The following SLIT3 variants were observed in gnomAD, a reference collection of about 807,000 sequenced individuals.
The protein encoded by SLIT3 is slit homolog 3 protein.
A neutral mutation model predicts 184.0 loss-of-function variants in SLIT3; 68 were observed. The ratio of observed to expected loss-of-function variants is 0.37; its 90% confidence interval spans 0.30 to 0.45. The LOEUF (loss-of-function observed/expected upper bound fraction) is 0.45. SLIT3 is among the 20% of genes least tolerant of loss of function. The probability of loss-of-function intolerance (pLI) is 1.00; values close to 1 mark genes in which losing one functional copy is unlikely to be tolerated. For synonymous variants in SLIT3, 831 were observed against 828.6 expected (o/e 1.00, Z -0.05); for missense variants, 1,707 against 2,026.0 (o/e 0.84, Z 3.02).
rs1186564908 is a variant in SLIT3, at chr5:169,201,061, T to C, written c.342-7511A>G. 2.0e-5 allele frequency among the ~76,000 whole-genome samples: 3 copies of C among 152,198 alleles called. No homozygotes were observed. The East Asian group carries it at 5.8e-4, about 29-fold the overall frequency. ...ATTGAGATATAATGGAGCTTCCTTA[T>C]AGTAAGTGTGGACCAACCCACAATT... On this transcript the variant is annotated intron_variant, in intron 3 of 35. Transcript: ENST00000519560.
intron 4 of SLIT3, among the ~76,000 whole-genome samples, chr5:168,948,278 A>C (rs1762550645): frequency 6.6e-6 from 1 of 152,206 alleles, no homozygotes; most frequent in South Asian, 2.1e-4. Flanking sequence ...TCATGGCAAC[A>C]GAAGGGCAAC....
intron 4 of SLIT3, among the ~76,000 whole-genome samples, chr5:168,906,196 A>G (rs1761047864): frequency 6.6e-6 from 1 of 152,240 alleles, no homozygotes; most frequent in Non-Finnish European, 1.5e-5. Context: ...ATACCGTACT[A>G]TGCTATTATA....
chr5:168,917,233 C>T (rs748229401), intron 4 of SLIT3, among the ~76,000 whole-genome samples: 1 of 152,178 alleles, frequency 6.6e-6, no homozygotes, highest in African/African-American at 2.4e-5. Context: ...TGGAGGTGAG[C>T]TTTGGTTCCC....
intron 4 of SLIT3, among the ~76,000 whole-genome samples, chr5:169,027,111 T>C (rs1328363228): frequency 1.3e-5 from 2 of 152,130 alleles, no homozygotes; most frequent in African/African-American, 4.8e-5. Flanking sequence ...CCATCCCAGA[T>C]TGGTATAATA....
chr5:168,880,932 T>A (rs1418181027), intron 5 of SLIT3, among the ~76,000 whole-genome samples: 1 of 152,190 alleles, frequency 6.6e-6, no homozygotes, highest in African/African-American at 2.4e-5. Context: ...ATGATTCTTG[T>A]CCCCAGTTAC....
chr5:169,131,614 C>T (rs2033311410), intron 4 of SLIT3, among the ~76,000 whole-genome samples: 3 of 152,206 alleles, frequency 2.0e-5, no homozygotes, highest in African/African-American at 7.2e-5. Context: ...CGATCATGCA[C>T]CAACTTAGAA....
intron 4 of SLIT3, among the ~76,000 whole-genome samples, chr5:169,046,853 G>C (rs2113043957): frequency 1.3e-5 from 2 of 152,196 alleles, no homozygotes; most frequent in Admixed American, 1.3e-4. Flanking sequence ...GCACCCCTCT[G>C]CTCCAGAGCC....
intron 1 of SLIT3, among the ~76,000 whole-genome samples, chr5:169,261,612 A>G (rs1323182481): frequency 6.6e-6 from 1 of 152,042 alleles, no homozygotes; most frequent in Non-Finnish European, 1.5e-5. Context: ...CACCTACTCC[A>G]GACCTGGCAC....
chr5:169,288,419 C>A (rs1767231514), intron 1 of SLIT3, among the ~76,000 whole-genome samples: 1 of 151,828 alleles, frequency 6.6e-6, no homozygotes, highest in Non-Finnish European at 1.5e-5. Context: ...ATATTTGTAC[C>A]CACTAAAAGG....
rs1254181358 is a variant in SLIT3 at position 168,685,829 on chromosome 5, T to G, written c.3413A>C (p.Gln1138Pro). ...TGGGCAGCGGCAGGTGGGCTCCTGCTGCACCACGATGCACTGGGCCCCGTT... is the reference window on the plus strand; with the variant it reads ...TGGGCAGCGGCAGGTGGGCTCCTGCGGCACCACGATGCACTGGGCCCCGTT... Reference protein sequence around the residue: ...CQNGAQCIVVQQEPTCRCPPG... With the variant: ...CQNGAQCIVVPQEPTCRCPPG... The change falls in exon 31 of 36, where the codon CAG becomes CCG. Residue 1138 changes from glutamine to proline, a missense_variant. Around this residue, in one of 3 missense-constraint regions of SLIT3, gnomAD observed 1,307 missense variants for 1,511.6 expected, o/e 0.86. Transcript: ENST00000519560. 1.3e-5 allele frequency: 21 copies of G among 1,613,910 alleles called. No homozygotes were observed. The highest frequency in any genetic ancestry group is 1.8e-5 in the Non-Finnish European group (21 of 1,180,004).
At chr5:169,084,453 GATTTTTTTTTT>G (rs1759201460) in intron 4 of SLIT3, among the ~76,000 whole-genome samples, 2 of 121,546 alleles carry the variant, frequency 1.6e-5, no homozygotes, top group Non-Finnish European at 1.7e-5. Flanking sequence ...ACCATGCCCA[GATTTTTTTTTT>G]TTTTTTTTTT....
chr5:168,767,143 T>C (rs1002092810), intron 14 of SLIT3, among the ~76,000 whole-genome samples: 6 of 152,180 alleles, frequency 3.9e-5, no homozygotes, highest in African/African-American at 1.2e-4. Flanking sequence ...GCCTGGCCTA[T>C]AGCAAGCACT....
At chr5:169,221,254 A>G (rs1764610327) in intron 3 of SLIT3, among the ~76,000 whole-genome samples, 1 of 152,268 alleles carries the variant, frequency 6.6e-6, no homozygotes, top group Non-Finnish European at 1.5e-5. Flanking sequence ...TCACACCAAC[A>G]GAAGAAAATC....
At chr5:168,802,165 C>T (rs1391599671) in intron 9 of SLIT3, among the ~76,000 whole-genome samples, 6 of 149,852 alleles carry the variant, frequency 4.0e-5, no homozygotes, top group African/African-American at 1.5e-4. Flanking sequence ...AAAAAAAAGA[C>T]ATTTGGATGT....
chr5:169,289,371 T>C (rs947812879), intron 1 of SLIT3, among the ~76,000 whole-genome samples: 2 of 152,222 alleles, frequency 1.3e-5, no homozygotes, highest in African/African-American at 4.8e-5. Context: ...CAACACATTA[T>C]TGAACAGGAC....
At position 168,774,379 on chromosome 5, in the gene SLIT3, C is replaced by T. The variant is rs2113541625; in HGVS notation, c.1152-1G>A. On this transcript the variant is annotated splice_acceptor_variant, in intron 12 of 35. Transcript: ENST00000519560. LOFTEE classifies it high-confidence loss of function. The stretch of plus-strand genomic sequence containing the variant: ...GTTGATCTTGTTGGCATTGAGGAGG[C>T]TGCAAACAGAAGAGAGCCTGGTTGA... 6.2e-7 allele frequency: 1 copy of T among 1,609,752 alleles called. No homozygotes were observed. Among genetic ancestry groups the T allele is most frequent in the Non-Finnish European group, 8.5e-7 (1 of 1,178,198 alleles).
chr5:169,172,012 C>T (rs1460162945), intron 4 of SLIT3, among the ~76,000 whole-genome samples: 1 of 152,132 alleles, frequency 6.6e-6, no homozygotes, highest in Non-Finnish European at 1.5e-5. Context: ...GGAAATGCCA[C>T]CTTTCTTCTA....
intron 4 of SLIT3, among the ~76,000 whole-genome samples, chr5:169,177,353 A>G (rs547035673): frequency 6.6e-6 from 1 of 152,352 alleles, no homozygotes; most frequent in East Asian, 1.9e-4. Flanking sequence ...TAAGTGAACT[A>G]GGACCAAAGC....
chr5:169,286,302 A>G (rs1295658480), intron 1 of SLIT3, among the ~76,000 whole-genome samples: 2 of 152,092 alleles, frequency 1.3e-5, no homozygotes, highest in African/African-American at 4.8e-5. Flanking sequence ...ACCGACTGCT[A>G]TTTTTTTAAA....
Sources: allele counts gnomAD v4.1 joint callset (sites outside exome capture counted in the v4.1 genomes callset), GRCh38; gene constraint gnomAD v4.1.1; regional missense constraint gnomAD v4.1.1; transcripts MANE v1.5; gene names NCBI Gene and HGNC (gene_info 2026-07-23, HGNC 2026-07-21).